Variants in RPTOR observed in about 807,000 individuals in gnomAD.
The protein encoded by RPTOR is regulatory associated protein of MTOR complex 1.
Under a neutral mutation model 169.9 loss-of-function variants are expected in RPTOR, and 21 were observed. That is an observed-to-expected ratio of 0.12 (90% CI 0.09 to 0.18). RPTOR has a LOEUF of 0.18. RPTOR is among the 10% of genes least tolerant of loss of function. The probability of loss-of-function intolerance (pLI) is 1.00; values close to 1 mark genes in which losing one functional copy is unlikely to be tolerated. For synonymous variants in RPTOR, 732 were observed against 753.2 expected, an observed-to-expected ratio of 0.97 and a Z score of 0.46; for missense variants, 1,133 against 1,855.9, an observed-to-expected ratio of 0.61 and a Z score of 7.16.
chr17:80,919,984 C>T lies in RPTOR; in HGVS notation c.2521-2740C>T, dbSNP rs547146188. 1.4e-4 allele frequency among the ~76,000 whole-genome samples: 22 copies of T among 152,348 alleles called. 1 individual carries two copies. In the East Asian group the frequency reaches 2.3e-3, roughly 16 times the overall value. On this transcript the variant is annotated intron_variant, in intron 21 of 33. Coordinates refer to ENST00000306801, the MANE Select transcript of RPTOR (RefSeq NM_020761.3). ...CAGGCCTGGGCCCACAGAGGCTGTG[C>T]GGGCCGCACTCAGCCCTCCAGTTTG...
chr17:80,942,197 G>A (rs1015404150), intron 25 of RPTOR, among the ~76,000 whole-genome samples: 5 of 151,772 alleles, frequency 3.3e-5, no homozygotes, highest in African/African-American at 4.8e-5. Flanking sequence ...CGATTCTCTA[G>A]GACCCCAGCC....
At chr17:80,635,133 C>G (rs62068351) in intron 2 of RPTOR, among the ~76,000 whole-genome samples, 44,805 of 152,062 alleles carry the variant, frequency 0.29, 6,723 homozygotes, top group Middle Eastern at 0.36. Context: ...TGTGTGAACC[C>G]TCTTCTCCTC....
At chr17:80,602,970 C>T (rs577580379) in intron 1 of RPTOR, 6 of 358,212 alleles carry the variant, frequency 1.7e-5, no homozygotes, top group African/African-American at 1.3e-4. Context: ...GTTGAGTTTT[C>T]TTGGGTTGTC....
At position 80,824,996 on chromosome 17, in the gene RPTOR, G is replaced by C. The variant is rs1224124209; in HGVS notation, c.1136+1773G>C. The stretch of plus-strand genomic sequence containing the variant: ...ATCTAGAGGCCGCGTGGCGAGGCCA[G>C]CGTGGGGCAGCCACATCCCACCTCT... On this transcript the variant is annotated intron_variant, in intron 9 of 33. Transcript: ENST00000306801. Among the ~76,000 whole-genome samples the C allele has an allele frequency of 3.3e-5, 5 of 151,800 alleles. No homozygotes were observed. The East Asian group carries it at 9.7e-4, about 30-fold the overall frequency.
chr17:80,828,724 C>T (rs549876503), intron 9 of RPTOR, among the ~76,000 whole-genome samples: 28 of 152,244 alleles, frequency 1.8e-4, no homozygotes, highest in African/African-American at 6.5e-4. Flanking sequence ...AGCAACGGGA[C>T]TAATGGGATG....
intron 6 of RPTOR, among the ~76,000 whole-genome samples, chr17:80,772,435 C>T (rs1352635969): frequency 1.5e-5 from 2 of 131,986 alleles, no homozygotes; most frequent in Admixed American, 7.5e-5. Flanking sequence ...CCCCCTGTCT[C>T]TCCCCCCACA....
chr17:80,789,241 T>A (rs1202911239), intron 6 of RPTOR, among the ~76,000 whole-genome samples: 1 of 152,224 alleles, frequency 6.6e-6, no homozygotes, highest in Non-Finnish European at 1.5e-5. Context: ...TAGTATACTA[T>A]CTGTTGTGGA....
At chr17:80,745,819 T>C (rs1567890203) in intron 5 of RPTOR, among the ~76,000 whole-genome samples, 1 of 152,214 alleles carries the variant, frequency 6.6e-6, no homozygotes, top group Non-Finnish European at 1.5e-5. Flanking sequence ...AGATGCCTCT[T>C]ATATGTATTT....
chr17:80,948,217 G>T (rs1464438040), intron 27 of RPTOR, among the ~76,000 whole-genome samples: 1 of 152,248 alleles, frequency 6.6e-6, no homozygotes, highest in Non-Finnish European at 1.5e-5. Flanking sequence ...GCCTCTGAGA[G>T]TGTCGAGTCG....
At chr17:80,682,577 C>G (rs374218439) in intron 3 of RPTOR, among the ~76,000 whole-genome samples, 2 of 152,172 alleles carry the variant, frequency 1.3e-5, no homozygotes, top group Non-Finnish European at 2.9e-5. Flanking sequence ...CAAGGAACAC[C>G]GAGGCGTGCC....
intron 14 of RPTOR, 68 bp from the exon 15 acceptor site, chr17:80,883,351 G>T (rs959353016): frequency 7.4e-7 from 1 of 1,351,236 alleles, no homozygotes; most frequent in Non-Finnish European, 1.1e-6. Context: ...AAAGGATCAC[G>T]CTGTTGTACT....
intron 9 of RPTOR, among the ~76,000 whole-genome samples, chr17:80,825,232 C>T: frequency 6.6e-6 from 1 of 151,268 alleles, no homozygotes; most frequent in Non-Finnish European, 1.5e-5. Flanking sequence ...CATCCCACCT[C>T]TCCATCTAGA....
chr17:80,887,212 G>A (rs1421550423), intron 17 of RPTOR, among the ~76,000 whole-genome samples: 1 of 151,696 alleles, frequency 6.6e-6, no homozygotes, highest in Non-Finnish European at 1.5e-5. Context: ...TGGCTCTGAG[G>A]GGCTGTGCTG....
rs1180025542 is a variant in RPTOR at position 80,749,326 on chromosome 17, C to T, written c.655-4684C>T. 3.3e-3 allele frequency among the ~76,000 whole-genome samples: 102 copies of T among 31,300 alleles called. 3 individuals are homozygous for T. Among genetic ancestry groups the T allele is most frequent in the African/African-American group, 0.011 (98 of 9,236 alleles). 20.5% of individuals were successfully genotyped at this position (31,300 alleles called of 152,430 possible). A position where few individuals can be genotyped will look rare whatever the true frequency, so the allele number is the denominator to read the frequency against. Reference sequence around the variant, plus strand: ...GCCTGTTGGGTGGATGGAGGGGCTGCGGTGTGTGTTTGGAGGCCGTGGCGG... The same window carrying T: ...GCCTGTTGGGTGGATGGAGGGGCTGTGGTGTGTGTTTGGAGGCCGTGGCGG... On this transcript the variant is annotated intron_variant, in intron 5 of 33. Coordinates refer to ENST00000306801, the MANE Select transcript of RPTOR (RefSeq NM_020761.3).
chr17:80,640,922 G>A (rs1354540091), intron 2 of RPTOR, among the ~76,000 whole-genome samples: 1 of 152,236 alleles, frequency 6.6e-6, no homozygotes, highest in African/African-American at 2.4e-5. Flanking sequence ...CGACCATGCT[G>A]GTTGCTGCAG....
At chr17:80,581,380 G>T (rs567844722) in intron 1 of RPTOR, among the ~76,000 whole-genome samples, 1 of 152,356 alleles carries the variant, frequency 6.6e-6, no homozygotes, top group South Asian at 2.1e-4. Context: ...CGCTGTGTAT[G>T]TGGTGGCCTT....
Position 80,823,197 on chromosome 17 carries a change from G to C in RPTOR, c.1110G>C (p.Leu370=), listed in dbSNP as rs2143618364. 1 of 1,614,074 alleles carries C rather than the reference G, an allele frequency of 6.2e-7. No individual in the cohort carries two copies. The highest frequency in any genetic ancestry group is 8.5e-7 in the Non-Finnish European group (1 of 1,179,990). ...YNCTPVSSPR[L]PPTYMHAMWQ... ...GCACTCCCGTCAGCAGCCCGCGTCT[G>C]CCGCCCACGTACATGCACGCCATGT... Residue 370 remains leucine (L), a synonymous_variant, in exon 9 of 34, where the codon CTG becomes CTC. Transcript: ENST00000306801. This position sits in a 1 kb window ranked among gnomAD's most constrained non-coding sequence, Gnocchi z 4.5.
intron 7 of RPTOR, chr17:80,805,701 A>T (rs1397576864): frequency 6.6e-6 from 1 of 152,158 alleles, no homozygotes; most frequent in Non-Finnish European, 1.5e-5. Flanking sequence ...GCTTTTCATT[A>T]TGTCATCAAC....
At chr17:80,930,291 TAGCTCATCTTCAGCTC>T (rs1567993527) in intron 24 of RPTOR, among the ~76,000 whole-genome samples, 37 of 26,382 alleles carry the variant, frequency 1.4e-3, no homozygotes, top group South Asian at 2.4e-3. Context: ...TGCTCATCCT[TAGCTCATCTTCAGCTC>T]ATCCCCAGCT....
Sources: allele counts gnomAD v4.1 joint callset (sites outside exome capture counted in the v4.1 genomes callset), GRCh38; gene constraint gnomAD v4.1.1; non-coding constraint Gnocchi (gnomAD v3.1); transcripts MANE v1.5; gene names NCBI Gene and HGNC (gene_info 2026-07-23, HGNC 2026-07-21).